OPCML: variants seen among roughly 807,000 people sequenced by gnomAD.
OPCML encodes opioid-binding protein/cell adhesion molecule.
OPCML carries 13 observed loss-of-function variants against 37.8 expected under a neutral mutation model. The ratio of observed to expected loss-of-function variants is 0.34; its 90% CI spans 0.22 to 0.55. The LOEUF (loss-of-function observed/expected upper bound fraction) is 0.55, where lower values mean the gene tolerates loss of function less well. Among genes scored for constraint, OPCML ranks in the 20% least tolerant of loss-of-function variants. The pLI is 0.91. For missense variants in OPCML, 341 were observed against 435.6 expected (o/e 0.78, Z 1.93); for synonymous variants, 176 against 168.8 (o/e 1.04, Z -0.33).
intron 1 of OPCML, among the ~76,000 whole-genome samples, chr11:133,224,138 AT>A (rs1939944015): frequency 6.6e-6 from 1 of 152,130 alleles, no homozygotes. Flanking sequence ...GCAGCTGCTC[AT>A]TTTGGGTTGG....
intron 2 of OPCML, among the ~76,000 whole-genome samples, chr11:132,681,257 C>T (rs1942929000): frequency 6.6e-6 from 1 of 152,228 alleles, no homozygotes; most frequent in South Asian, 2.1e-4. Flanking sequence ...ACTTTACATC[C>T]CCATTTTCCC....
intron 1 of OPCML, among the ~76,000 whole-genome samples, chr11:133,446,289 A>T (rs1946472510): frequency 6.6e-6 from 1 of 152,158 alleles, no homozygotes; most frequent in African/African-American, 2.4e-5. Flanking sequence ...TGTAGTTTGC[A>T]TCCGTGTTTT....
At chr11:133,113,870 G>C (rs1424579787) in intron 1 of OPCML, among the ~76,000 whole-genome samples, 1 of 152,152 alleles carries the variant, frequency 6.6e-6, no homozygotes, top group Non-Finnish European at 1.5e-5. Context: ...TTCTTCATTA[G>C]CATAAAAGTA....
At chr11:133,244,279 G>A (rs1218196713) in intron 1 of OPCML, among the ~76,000 whole-genome samples, 2 of 152,004 alleles carry the variant, frequency 1.3e-5, no homozygotes, top group East Asian at 1.9e-4. Context: ...AGCCAAAAAC[G>A]ACAAGGCATG....
chr11:133,480,322 T>C (rs1315003703), intron 1 of OPCML, among the ~76,000 whole-genome samples: 1 of 152,192 alleles, frequency 6.6e-6, no homozygotes, highest in Non-Finnish European at 1.5e-5. Flanking sequence ...GTCCGGAGGG[T>C]TGCCTGCCTT....
chr11:132,935,222 A>C (rs889999753), intron 2 of OPCML, among the ~76,000 whole-genome samples: 1 of 152,114 alleles, frequency 6.6e-6, no homozygotes, highest in Non-Finnish European at 1.5e-5. Context: ...AACTTCAGAG[A>C]GCATTCAGAA....
chr11:133,267,534 G>T (rs1396154618), intron 1 of OPCML, among the ~76,000 whole-genome samples: 1 of 152,104 alleles, frequency 6.6e-6, no homozygotes, highest in Non-Finnish European at 1.5e-5. Flanking sequence ...ATATTTTCTT[G>T]TCTTTTTGGT....
At chr11:132,509,913 A>G (rs763271378) in intron 4 of OPCML, among the ~76,000 whole-genome samples, 1 of 152,148 alleles carries the variant, frequency 6.6e-6, no homozygotes, top group Non-Finnish European at 1.5e-5. Context: ...TGTCCTTCAG[A>G]CTGCAGAATG....
intron 3 of OPCML, among the ~76,000 whole-genome samples, chr11:132,585,472 T>C (rs1054998738): frequency 3.3e-5 from 5 of 152,208 alleles, no homozygotes; most frequent in African/African-American, 1.2e-4. Context: ...ACTTGACATT[T>C]AGCATGAATG....
chr11:133,131,950 AC>A (rs1949610780), intron 1 of OPCML, among the ~76,000 whole-genome samples: 1 of 152,230 alleles, frequency 6.6e-6, no homozygotes, highest in African/African-American at 2.4e-5. Context: ...TATACCATAT[AC>A]AAAAATTAAC....
intron 2 of OPCML, among the ~76,000 whole-genome samples, chr11:132,676,863 A>G (rs1422825920): frequency 6.6e-6 from 1 of 151,770 alleles, no homozygotes; most frequent in African/African-American, 2.4e-5. Context: ...TCTTTGTACC[A>G]CTACTTTTCA....
chr11:132,536,164 C>T (rs1011747235), intron 3 of OPCML, among the ~76,000 whole-genome samples: 2 of 152,200 alleles, frequency 1.3e-5, no homozygotes, highest in East Asian at 1.9e-4. Flanking sequence ...CCCTCCAGGG[C>T]CTGCTCTCCA....
At chr11:133,097,386 G>GT (rs1337417546) in intron 1 of OPCML, among the ~76,000 whole-genome samples, 1 of 152,164 alleles carries the variant, frequency 6.6e-6, no homozygotes. Context: ...TGTGATGCAC[G>GT]TAAAGCATGC....
chr11:132,718,058 C>G (rs1399793805), intron 2 of OPCML, among the ~76,000 whole-genome samples: 1 of 152,326 alleles, frequency 6.6e-6, no homozygotes, highest in East Asian at 1.9e-4. Context: ...ATCTCCCAGC[C>G]CAGCTGGGGA....
chr11:132,988,078 G>C (rs1946711089), intron 1 of OPCML, among the ~76,000 whole-genome samples: 1 of 152,114 alleles, frequency 6.6e-6, no homozygotes, highest in Non-Finnish European at 1.5e-5. Flanking sequence ...ATAAAACAAG[G>C]ACAGCGCATC....
chr11:133,354,005 C>G (rs1193832864), intron 1 of OPCML, among the ~76,000 whole-genome samples: 1 of 151,744 alleles, frequency 6.6e-6, no homozygotes, highest in Non-Finnish European at 1.5e-5. Context: ...TTTTTTGCCT[C>G]TAGGGCTGCT....
At chr11:132,433,981 GGTT>G (rs2096005569) in intron 7 of OPCML, among the ~76,000 whole-genome samples, 1 of 152,184 alleles carries the variant, frequency 6.6e-6, no homozygotes, top group Non-Finnish European at 1.5e-5. Flanking sequence ...GGTATACACT[GGTT>G]GTTGTTATCT....
At chr11:132,832,169 A>G (rs1940726164) in intron 2 of OPCML, among the ~76,000 whole-genome samples, 1 of 151,732 alleles carries the variant, frequency 6.6e-6, no homozygotes, top group African/African-American at 2.4e-5. Context: ...TACAACCTTC[A>G]GCATCATCAA....
intron 1 of OPCML, among the ~76,000 whole-genome samples, chr11:133,202,053 A>T (rs1938822251): frequency 6.6e-6 from 1 of 152,234 alleles, no homozygotes; most frequent in Admixed American, 6.5e-5. Context: ...CACATAAAAA[A>T]TAATTCACTG....
Sources: gnomAD v4.1 joint callset for allele counts (sites outside exome capture counted in the v4.1 genomes callset) on GRCh38, gnomAD v4.1.1 for gene constraint, MANE v1.5 for transcripts, NCBI Gene and HGNC (gene_info 2026-07-23, HGNC 2026-07-21) for gene names.